The following BRWD1 variants were observed in gnomAD, a reference collection of about 807,000 sequenced individuals.
The protein encoded by BRWD1 is bromodomain and WD repeat domain containing 1, also known as bromodomain and WD repeat-containing protein 1.
Under a neutral mutation model 251.2 loss-of-function variants are expected in BRWD1, and 82 were observed. The observed-to-expected ratio is 0.33, with a 90% CI of 0.27 to 0.39. The LOEUF (loss-of-function observed/expected upper bound fraction) is 0.39. Among genes scored for constraint, BRWD1 ranks in the 10% least tolerant of loss-of-function variants. The pLI, the probability that BRWD1 is intolerant of heterozygous loss-of-function variation, is 1.00. For missense variants in BRWD1, 2,233 were observed against 2,711.6 expected, an observed-to-expected ratio of 0.82 and a Z score of 3.92; for synonymous variants, 918 against 902.8, an observed-to-expected ratio of 1.02 and a Z score of -0.30.
Position 39,194,926 on chromosome 21 carries a change from C to A in BRWD1, c.*1333G>T. On this transcript the variant is annotated 3_prime_UTR_variant, in exon 41 of 41. Transcript: ENST00000342449. ...TTACAGGTGGGGTACTGTAACATATCCCTTACCCACTAAATATGTAAACCA... is the reference window on the plus strand; with the variant it reads ...TTACAGGTGGGGTACTGTAACATATACCTTACCCACTAAATATGTAAACCA... The A allele has an allele frequency of 6.7e-7, 1 of 1,488,202 alleles. No homozygotes were observed. The highest frequency in any genetic ancestry group is 8.9e-7 in the Non-Finnish European group (1 of 1,125,402). 92.2% of individuals were successfully genotyped at this position (1,488,202 alleles called of 1,614,324 possible). A position where few individuals can be genotyped will look rare whatever the true frequency, so the allele number is the denominator to read the frequency against.
intron 15 of BRWD1, among the ~76,000 whole-genome samples, chr21:39,269,435 T>C (rs1005910369): frequency 6.6e-6 from 1 of 151,942 alleles, no homozygotes; most frequent in Non-Finnish European, 1.5e-5. Context: ...CCCAAAGTGT[T>C]AGGAGTTCAG....
chr21:39,286,498 T>A (rs1183422091), intron 8 of BRWD1, among the ~76,000 whole-genome samples: 1 of 151,588 alleles, frequency 6.6e-6, no homozygotes, highest in East Asian at 1.9e-4. Context: ...AAAATAAAAG[T>A]TTTTTATTTC....
At position 39,264,531 on chromosome 21, in the gene BRWD1, T is replaced by C; in HGVS notation, c.1814A>G (p.Gln605Arg). The stretch of plus-strand genomic sequence containing the variant: ...ATTTTCTCGGCCTGGTACTAATCTC[T>C]GATACTTGGTTGGATGAGGATTTCC... ...VDGNPHPTKY[Q>R]RLVPGRENSA... The change falls in exon 17 of 41, where the codon CAG (glutamine) becomes CGG (arginine). Residue 605 changes from glutamine (Q) to arginine (R), a missense_variant. Coordinates refer to ENST00000342449, the MANE Select transcript of BRWD1 (RefSeq NM_033656.4). 6.2e-7 allele frequency: 1 copy of C among 1,613,634 alleles called. No individual in the cohort carries two copies. The highest frequency in any genetic ancestry group is 8.5e-7 in the Non-Finnish European group (1 of 1,179,856).
chr21:39,216,225 A>C (rs757507360), intron 31 of BRWD1, among the ~76,000 whole-genome samples: 8 of 152,218 alleles, frequency 5.3e-5, no homozygotes, highest in Non-Finnish European at 1.0e-4. Flanking sequence ...TTTTATACTT[A>C]CCAGTGCTCT....
Position 39,198,308 on chromosome 21 carries a change from A to G in BRWD1, c.5653+455T>C, listed in dbSNP as rs534469796. Among the ~76,000 whole-genome samples the G allele has an allele frequency of 9.8e-5, 15 of 152,350 alleles. 1 individual carries two copies. In the South Asian group the frequency reaches 2.5e-3, roughly 25 times the overall value. ...ACTAAACTGCTTATTAATGGAAAAC[A>G]TTTAGAAAAACTTCCTAATAGAAAC... On this transcript the variant is annotated intron_variant, in intron 40 of 40. Transcript: ENST00000342449.
At chr21:39,310,436 C>T (rs1322657780) in intron 4 of BRWD1, among the ~76,000 whole-genome samples, 2 of 151,876 alleles carry the variant, frequency 1.3e-5, no homozygotes, top group South Asian at 2.1e-4. Context: ...GTCAGGAGTT[C>T]GAGACCAGCC....
In BRWD1 at chr21:39,274,387, T is replaced by C; in HGVS notation, c.1231A>G (p.Thr411Ala). The change falls in exon 13 of 41, where the codon ACC becomes GCC. Residue 411 changes from threonine to alanine, a missense_variant. Thr to Ala is a moderately conservative substitution (Grantham distance 58, BLOSUM62 0). This residue lies in a region of BRWD1 where 315 missense variants were observed against 421.8 expected (regional missense o/e 0.75). Transcript: ENST00000342449. ...EWRSILLDMA[T>A]RISGDLSSEE... ...ATCTCAACTTACCCTGAGATTCTGG[T>C]AGCCATATCCAATAAAATGCTCCTC... 3.7e-6 allele frequency: 6 copies of C among 1,613,318 alleles called. No homozygotes were observed. Among genetic ancestry groups the C allele is most frequent in the Non-Finnish European group, 5.1e-6 (6 of 1,179,400 alleles).
chr21:39,287,898 T>C (rs1015243470), intron 8 of BRWD1, among the ~76,000 whole-genome samples: 1 of 152,202 alleles, frequency 6.6e-6, no homozygotes, highest in Non-Finnish European at 1.5e-5. Context: ...GAGAATTATA[T>C]ACTGCTATGA....
intron 18 of BRWD1, among the ~76,000 whole-genome samples, chr21:39,257,116 C>T (rs1050510812): frequency 1.3e-5 from 2 of 149,150 alleles, no homozygotes; most frequent in Non-Finnish European, 3.0e-5. Context: ...TCACTTATAA[C>T]AGCAAAGCAT....
Position 39,296,352 on chromosome 21 carries a change from T to C in BRWD1, c.361A>G (p.Thr121Ala), listed in dbSNP as rs749024768. 1.3e-5 allele frequency: 21 copies of C among 1,582,748 alleles called. No individual in the cohort carries two copies. The highest frequency in any genetic ancestry group is 3.4e-4 in the Middle Eastern group (2 of 5,962). ...LLRTAKDCRH[T>A]VWKGSAFAAL... ...GCAAAGGCAGAGCCCTTCCAAACTG[T>C]GTGCCTGCAGTCTTTAAAATGAATT... Residue 121 changes from threonine (T) to alanine (A), a missense_variant, in exon 6 of 41, where the codon ACA becomes GCA. Coordinates refer to ENST00000342449, the MANE Select transcript of BRWD1 (RefSeq NM_033656.4).
chr21:39,243,983 T>C (rs969264599), intron 21 of BRWD1, among the ~76,000 whole-genome samples: 3 of 152,180 alleles, frequency 2.0e-5, no homozygotes, highest in Non-Finnish European at 2.9e-5. Flanking sequence ...AGGCATTCAA[T>C]AAATTTTTTT....
In BRWD1 at chr21:39,278,832, C is replaced by T. The variant is rs896561467; in HGVS notation, c.933-19G>A. The T allele has an allele frequency of 3.3e-5, 51 of 1,560,542 alleles. No homozygotes were observed. Among genetic ancestry groups the T allele is most frequent in the Non-Finnish European group, 4.2e-5 (48 of 1,154,274 alleles). ...ACGTGGGCTTTAAAAGAAGAAGATG[C>T]TGCTTTAAAATAGATTATTTTACCA... is the stretch of plus-strand genomic sequence containing the variant. On this transcript the variant is annotated intron_variant, in intron 9 of 40. Coordinates refer to ENST00000342449, the MANE Select transcript of BRWD1 (RefSeq NM_033656.4).
chr21:39,249,450 T>C (rs1481052640), intron 20 of BRWD1, among the ~76,000 whole-genome samples: 1 of 147,566 alleles, frequency 6.8e-6, no homozygotes, highest in Non-Finnish European at 1.5e-5. Context: ...CAGTTCTGAA[T>C]GTTTTAAATA....
In BRWD1 at chr21:39,187,081, T is replaced by G. The variant is rs181336124; in HGVS notation, c.*9178A>C. ...CCCCCTTAAAAAAAGCATTTTTCTA[T>G]TAATATCTTCTAGCTCTTTTTCACT... On this transcript the variant is annotated 3_prime_UTR_variant, in exon 41 of 41. Coordinates refer to ENST00000342449, the MANE Select transcript of BRWD1 (RefSeq NM_033656.4). 120 of 1,596,812 alleles carry G rather than the reference T, an allele frequency of 7.5e-5. No homozygotes were observed. The East Asian group carries it at 1.9e-3, about 26-fold the overall frequency.
At chr21:39,205,547 G>A (rs537130349) in intron 37 of BRWD1, among the ~76,000 whole-genome samples, 7 of 151,910 alleles carry the variant, frequency 4.6e-5, no homozygotes, top group African/African-American at 9.7e-5. Flanking sequence ...TGAGGCAGGC[G>A]GATTGCCTGA....
At position 39,194,993 on chromosome 21, in the gene BRWD1, G is replaced by C; in HGVS notation, c.*1266C>G. On this transcript the variant is annotated 3_prime_UTR_variant, in exon 41 of 41. Coordinates refer to ENST00000342449, the MANE Select transcript of BRWD1 (RefSeq NM_033656.4). ...CTTCAGGCACAAACAAGTTAGGAAT[G>C]GCCATCTACACTGGAGTAGCATAAC... is the stretch of plus-strand genomic sequence containing the variant. The C allele has an allele frequency of 7.1e-7, 1 of 1,411,650 alleles. No homozygotes were observed. Among genetic ancestry groups the C allele is most frequent in the Non-Finnish European group, 9.2e-7 (1 of 1,086,722 alleles). 87.4% of individuals were successfully genotyped at this position (1,411,650 alleles called of 1,614,324 possible).
At chr21:39,245,484 C>A (rs1403628630) in intron 21 of BRWD1, among the ~76,000 whole-genome samples, 1 of 152,124 alleles carries the variant, frequency 6.6e-6, no homozygotes, top group Admixed American at 6.5e-5. Context: ...TAATTATTAA[C>A]CTACTGCATC....
At chr21:39,210,570 A>AT (rs2032611038) in intron 35 of BRWD1, among the ~76,000 whole-genome samples, 1 of 152,160 alleles carries the variant, frequency 6.6e-6, no homozygotes, top group South Asian at 2.1e-4. Context: ...TGTAATACTG[A>AT]TTATCTAAGT....
intron 32 of BRWD1, among the ~76,000 whole-genome samples, chr21:39,214,544 G>T (rs1206503631): frequency 1.3e-5 from 2 of 152,006 alleles, no homozygotes; most frequent in Admixed American, 1.3e-4. Flanking sequence ...GGGGATTCTG[G>T]ATTAGATTCT....
Sources: gnomAD v4.1 joint callset for allele counts (sites outside exome capture counted in the v4.1 genomes callset) on GRCh38, gnomAD v4.1.1 for gene constraint, gnomAD v4.1.1 regional missense constraint, MANE v1.5 for transcripts, NCBI Gene and HGNC (gene_info 2026-07-23, HGNC 2026-07-21) for gene names.